CDH12: variants seen among roughly 807,000 people sequenced by gnomAD.
CDH12 encodes cadherin-12.
Under a neutral mutation model 74.1 loss-of-function variants are expected in CDH12, and 41 were observed. That is an observed-to-expected ratio of 0.55 (90% CI 0.43 to 0.72). The LOEUF is 0.72. Among genes scored for constraint, CDH12 ranks in the 30% least tolerant of loss-of-function variants. CDH12 has a pLI of 0.00. For synonymous variants in CDH12, 399 were observed against 355.0 expected (o/e 1.12, Z -1.39); for missense variants, 945 against 977.2 (o/e 0.97, Z 0.44).
chr5:22,304,694 A>G (rs914534642), intron 3 of CDH12, among the ~76,000 whole-genome samples: 2 of 152,218 alleles, frequency 1.3e-5, no homozygotes, highest in East Asian at 1.9e-4. Context: ...TTGGGCATCA[A>G]TTATAACCTG....
intron 4 of CDH12, among the ~76,000 whole-genome samples, chr5:22,176,397 T>C (rs1749340523): frequency 6.6e-6 from 1 of 152,064 alleles, no homozygotes; most frequent in South Asian, 2.1e-4. Context: ...TCTGATACTT[T>C]AAATAGCTGT....
At chr5:22,206,236 C>T (rs1286381004) in intron 4 of CDH12, among the ~76,000 whole-genome samples, 1 of 152,112 alleles carries the variant, frequency 6.6e-6, no homozygotes, top group Non-Finnish European at 1.5e-5. Flanking sequence ...GCATCAACCT[C>T]TCTGGCAGGT....
chr5:21,888,525 G>T (rs747706080), intron 6 of CDH12, among the ~76,000 whole-genome samples: 27 of 152,054 alleles, frequency 1.8e-4, no homozygotes, highest in Non-Finnish European at 3.4e-4. Context: ...CACCAACATG[G>T]TACATGTATA....
chr5:21,799,325 A>G (rs374544248), intron 10 of CDH12, among the ~76,000 whole-genome samples: 1 of 152,164 alleles, frequency 6.6e-6, no homozygotes, highest in Non-Finnish European at 1.5e-5. Flanking sequence ...AACTGCTTGC[A>G]GTAAAATGTG....
At chr5:22,315,868 G>T (rs1044741029) in intron 3 of CDH12, among the ~76,000 whole-genome samples, 1 of 152,080 alleles carries the variant, frequency 6.6e-6, no homozygotes, top group African/African-American at 2.4e-5. Flanking sequence ...ACTCTGTGAA[G>T]GAGGTTTTGA....
chr5:22,556,546 A>G (rs1738811768), intron 1 of CDH12, among the ~76,000 whole-genome samples: 1 of 152,066 alleles, frequency 6.6e-6, no homozygotes, highest in Non-Finnish European at 1.5e-5. Flanking sequence ...ACACCTAAAG[A>G]GGTCTAGCAT....
chr5:22,516,514 G>T (rs1736812737), intron 1 of CDH12, among the ~76,000 whole-genome samples: 1 of 152,112 alleles, frequency 6.6e-6, no homozygotes, highest in Non-Finnish European at 1.5e-5. Context: ...AATAAAAGTG[G>T]CTGGGTGCAG....
intron 1 of CDH12, among the ~76,000 whole-genome samples, chr5:22,539,729 G>C (rs28590143): frequency 6.6e-6 from 1 of 152,174 alleles, no homozygotes; most frequent in Non-Finnish European, 1.5e-5. Context: ...ATAAAAGTAC[G>C]TGAGAGTGAA....
chr5:22,369,365 A>C (rs1741171624), intron 3 of CDH12, among the ~76,000 whole-genome samples: 2 of 152,246 alleles, frequency 1.3e-5, no homozygotes, highest in East Asian at 3.9e-4. Context: ...CTCAGAAAAA[A>C]AATAGACTTT....
intron 3 of CDH12, among the ~76,000 whole-genome samples, chr5:22,321,074 C>T (rs544265666): frequency 2.8e-4 from 43 of 152,184 alleles, no homozygotes; most frequent in South Asian, 6.2e-4. Context: ...TTCTGTGAAA[C>T]TTTCGTTTTA....
chr5:22,181,709 T>C (rs2150338155), intron 4 of CDH12, among the ~76,000 whole-genome samples: 1 of 152,258 alleles, frequency 6.6e-6, no homozygotes, highest in East Asian at 1.9e-4. Flanking sequence ...GCCCTGTTTC[T>C]TCCATCAATA....
At chr5:22,095,707 T>TG (rs1400916017) in intron 4 of CDH12, among the ~76,000 whole-genome samples, 2 of 150,996 alleles carry the variant, frequency 1.3e-5, no homozygotes, top group African/African-American at 4.9e-5. Context: ...TCTGCTTTTC[T>TG]GGGGGCAAGA....
intron 1 of CDH12, among the ~76,000 whole-genome samples, chr5:22,751,431 A>G (rs1745570261): frequency 6.6e-6 from 1 of 151,100 alleles, no homozygotes; most frequent in Non-Finnish European, 1.5e-5. Context: ...TCATGTGAAC[A>G]TACTGCTAAA....
At chr5:21,783,602 C>T in intron 10 of CDH12, 108 bp from the exon 11 acceptor site, 1 of 765,982 alleles carries the variant, frequency 1.3e-6, no homozygotes, top group Non-Finnish European at 2.2e-6. Context: ...TAGCTATTAC[C>T]CACCTTGCAA....
intron 6 of CDH12, among the ~76,000 whole-genome samples, chr5:21,955,775 T>C (rs1193562589): frequency 6.6e-6 from 1 of 152,082 alleles, no homozygotes; most frequent in Admixed American, 6.6e-5. Flanking sequence ...TTGGATCCAC[T>C]ACTTGGGTTT....
intron 3 of CDH12, among the ~76,000 whole-genome samples, chr5:22,291,873 A>G (rs1012055238): frequency 1.1e-4 from 16 of 152,194 alleles, no homozygotes; most frequent in Non-Finnish European, 1.6e-4. Flanking sequence ...GTATGAAATC[A>G]TAAAAGACCC....
chr5:21,895,375 G>A (rs1051750839), intron 6 of CDH12, among the ~76,000 whole-genome samples: 3 of 152,168 alleles, frequency 2.0e-5, no homozygotes, highest in East Asian at 3.8e-4. Context: ...GTAGGCCGGC[G>A]GCCCTGGCAC....
intron 1 of CDH12, among the ~76,000 whole-genome samples, chr5:22,626,172 T>C (rs1467539158): frequency 6.6e-6 from 1 of 152,170 alleles, no homozygotes; most frequent in East Asian, 1.9e-4. Flanking sequence ...TGCCTCACCA[T>C]TGTTGCAGGC....
chr5:21,971,329 G>A (rs1756845218), intron 6 of CDH12, among the ~76,000 whole-genome samples: 1 of 151,802 alleles, frequency 6.6e-6, no homozygotes, highest in South Asian at 2.1e-4. Context: ...ATCCACAGGG[G>A]TTATTAAGTT....
Sources: gnomAD v4.1 joint callset for allele counts (sites outside exome capture counted in the v4.1 genomes callset) on GRCh38, gnomAD v4.1.1 for gene constraint, MANE v1.5 for transcripts, NCBI Gene and HGNC (gene_info 2026-07-23, HGNC 2026-07-21) for gene names.